Variants in TEX2 observed in about 807,000 individuals in gnomAD.
The protein encoded by TEX2 is testis expressed 2.
TEX2 carries 53 observed loss-of-function variants against 106.9 expected under a neutral mutation model. The ratio of observed to expected loss-of-function variants is 0.50; its 90% CI spans 0.40 to 0.62. The LOEUF (loss-of-function observed/expected upper bound fraction) is 0.62, where lower values mean the gene tolerates loss of function less well. Among genes scored for constraint, TEX2 ranks in the 20% least tolerant of loss-of-function variants. The pLI, the probability that TEX2 is intolerant of heterozygous loss-of-function variation, is 0.00. For missense variants in TEX2, 1,207 were observed against 1,379.0 expected, an observed-to-expected ratio of 0.88 and a Z score of 1.98; for synonymous variants, 523 against 534.8, an observed-to-expected ratio of 0.98 and a Z score of 0.30.
chr17:64,210,633 G>GTTTTTTTTTTT (rs1598182744), intron 2 of TEX2, among the ~76,000 whole-genome samples: 7 of 66,328 alleles, frequency 1.1e-4, no homozygotes, highest in South Asian at 4.9e-4. Flanking sequence ...CCAACCCCCA[G>GTTTTTTTTTTT]CTTTTTTTTT....
chr17:64,220,867 A>G (rs766192915), intron 1 of TEX2, among the ~76,000 whole-genome samples: 2 of 152,180 alleles, frequency 1.3e-5, no homozygotes, highest in Non-Finnish European at 2.9e-5. Context: ...ACCCAAAGGA[A>G]TATAAATCAT....
intron 1 of TEX2, 58 bp from the exon 2 acceptor site, chr17:64,214,300 G>C: frequency 7.1e-7 from 1 of 1,413,432 alleles, no homozygotes; most frequent in South Asian, 1.3e-5. Flanking sequence ...AGGAGACGCT[G>C]TCATTCGCAG....
At chr17:64,245,610 A>G (rs1476577798) in intron 1 of TEX2, among the ~76,000 whole-genome samples, 2 of 152,226 alleles carry the variant, frequency 1.3e-5, no homozygotes, top group African/African-American at 2.4e-5. Flanking sequence ...ATGGTCATCT[A>G]GCTAGATTTC....
chr17:64,257,740 C>T (rs376414906), intron 1 of TEX2, among the ~76,000 whole-genome samples: 48 of 152,242 alleles, frequency 3.2e-4, no homozygotes, highest in Non-Finnish European at 4.6e-4. Flanking sequence ...AGATTAATGA[C>T]GCTGGCAATT....
chr17:64,188,508 A>G, intron 4 of TEX2, 93 bp from the exon 5 acceptor site: 1 of 1,567,004 alleles, frequency 6.4e-7, no homozygotes, highest in South Asian at 1.2e-5. Flanking sequence ...AATGCTATCA[A>G]ATGACTGTTT....
At chr17:64,194,240 G>T (rs575149620) in intron 3 of TEX2, among the ~76,000 whole-genome samples, 10 of 150,682 alleles carry the variant, frequency 6.6e-5, no homozygotes, top group South Asian at 2.1e-4. Context: ...TAAGTTGGAA[G>T]AAAAAAAAAG....
rs2031665070 is a variant in TEX2, at chr17:64,177,549, T to C, written c.2425-78A>G. 1.1e-5 allele frequency: 17 copies of C among 1,492,462 alleles called. No individual in the cohort carries two copies. In the South Asian group the frequency reaches 2.0e-4, roughly 17 times the overall value. 92.5% of individuals were successfully genotyped at this position (1,492,462 alleles called of 1,614,324 possible). On this transcript the variant is annotated intron_variant, in intron 5 of 11. Transcript: ENST00000584379. ...CAGGTGCTTATTTTTATAAAGTCAC[T>C]GAAGGTCCCTCCTTATAGAAACAGG...
At chr17:64,212,523 G>A (rs782030080) in intron 2 of TEX2, 51 bp downstream of exon 2, 38 of 1,470,436 alleles carry the variant, frequency 2.6e-5, no homozygotes, top group South Asian at 3.9e-5. Flanking sequence ...TCTAAAATAC[G>A]GCTGTATGTG....
At chr17:64,242,766 C>T (rs139936654) in intron 1 of TEX2, among the ~76,000 whole-genome samples, 5 of 152,180 alleles carry the variant, frequency 3.3e-5, no homozygotes, top group Non-Finnish European at 5.9e-5. Flanking sequence ...AATACAGGCA[C>T]GCAATGCCTC....
At chr17:64,181,472 CAAAAAAAA>C (rs759988777) in intron 5 of TEX2, among the ~76,000 whole-genome samples, 13 of 25,392 alleles carry the variant, frequency 5.1e-4, no homozygotes, top group Middle Eastern at 0.016. Context: ...AAGGCTATCT[CAAAAAAAA>C]AAAAAAAAAA....
intron 9 of TEX2, 128 bp downstream of exon 9, chr17:64,154,714 A>G: frequency 8.2e-7 from 1 of 1,212,622 alleles, no homozygotes. Context: ...GATATTAATA[A>G]AAAAACCATC....
Position 64,195,099 on chromosome 17 carries a change from A to C in TEX2, c.1645-4T>G. The C allele has an allele frequency of 1.9e-6, 3 of 1,613,816 alleles. No individual in the cohort carries two copies. The highest frequency in any genetic ancestry group is 2.5e-6 in the Non-Finnish European group (3 of 1,179,760). On this transcript the variant is annotated splice_region_variant and splice_polypyrimidine_tract_variant and intron_variant, in intron 2 of 11. Coordinates refer to ENST00000584379, the MANE Select transcript of TEX2 (RefSeq NM_001288732.2). This position sits in a 1 kb window ranked among gnomAD's most constrained non-coding sequence, Gnocchi z 4.1. ...TGTAAATCTCATTCATCCATCCCTG[A>C]TGAAGAAAAACTTCCATTAGTAATA...
Position 64,176,218 on chromosome 17 carries a change from A to G in TEX2, c.2571+1107T>C, listed in dbSNP as rs112929171. 3.0e-3 allele frequency among the ~76,000 whole-genome samples: 461 copies of G among 152,228 alleles called. 3 individuals are homozygous for G. The highest frequency in any genetic ancestry group is 0.011 in the African/African-American group (449 of 41,532). The stretch of plus-strand genomic sequence containing the variant: ...TTTCTCAGGAGCTGGGGAAGAAGGG[A>G]CACTGGCCCACAGACAGCAGCCAGA... On this transcript the variant is annotated intron_variant, in intron 6 of 11. Coordinates refer to ENST00000584379, the MANE Select transcript of TEX2 (RefSeq NM_001288732.2).
At chr17:64,230,850 G>A (rs2033640194) in intron 1 of TEX2, 1 of 152,160 alleles carries the variant, frequency 6.6e-6, no homozygotes. Flanking sequence ...TTTCTCTTTT[G>A]TAACAAGAGA....
chr17:64,167,198 T>C (rs1299859831), intron 7 of TEX2, among the ~76,000 whole-genome samples: 3 of 152,180 alleles, frequency 2.0e-5, no homozygotes, highest in African/African-American at 7.2e-5. Flanking sequence ...AACATGGCCA[T>C]TGTGTGCGAT....
intron 1 of TEX2, among the ~76,000 whole-genome samples, chr17:64,231,496 CACAGCCTCATGTGG>C (rs1377786125): frequency 6.6e-6 from 1 of 152,214 alleles, no homozygotes; most frequent in East Asian, 1.9e-4. Flanking sequence ...GGAAAACTAA[CACAGCCTCATGTGG>C]ACAGGACCGT....
At position 64,200,271 on chromosome 17, in the gene TEX2, A is replaced by G. The variant is rs190551598; in HGVS notation, c.1645-5176T>C. ...TGTGTTGAGATACATACACCAGCTCATCTGTTCACAGGTCAGTTTCAGGTG... is the reference window on the plus strand; with the variant it reads ...TGTGTTGAGATACATACACCAGCTCGTCTGTTCACAGGTCAGTTTCAGGTG... On this transcript the variant is annotated intron_variant, in intron 2 of 11. Transcript: ENST00000584379. Among the ~76,000 whole-genome samples, 5 of 152,334 alleles carry G rather than the reference A, an allele frequency of 3.3e-5. No individual in the cohort carries two copies. In the East Asian group the frequency reaches 9.6e-4, roughly 29 times the overall value.
intron 2 of TEX2, among the ~76,000 whole-genome samples, chr17:64,199,512 CAGGCGTG>C (rs2032588310): frequency 6.6e-6 from 1 of 152,186 alleles, no homozygotes; most frequent in African/African-American, 2.4e-5. Flanking sequence ...GCTGGGATTA[CAGGCGTG>C]AGCCACTGCG....
At chr17:64,244,847 C>T (rs2033957393) in intron 1 of TEX2, among the ~76,000 whole-genome samples, 1 of 152,178 alleles carries the variant, frequency 6.6e-6, no homozygotes, top group African/African-American at 2.4e-5. Flanking sequence ...CATGAACTCT[C>T]TACTCCCCCC....
Sources: gnomAD v4.1 joint callset for allele counts (sites outside exome capture counted in the v4.1 genomes callset) on GRCh38, gnomAD v4.1.1 for gene constraint, Gnocchi (gnomAD v3.1) non-coding constraint, MANE v1.5 for transcripts, NCBI Gene and HGNC (gene_info 2026-07-23, HGNC 2026-07-21) for gene names.